The following ATF6 variants were observed in gnomAD, a reference collection of about 807,000 sequenced individuals.
ATF6 encodes the protein activating transcription factor 6, also known as cyclic AMP-dependent transcription factor ATF-6 alpha.
ATF6 carries 53 observed loss-of-function variants against 83.6 expected under a neutral mutation model. The observed-to-expected ratio is 0.63, with a 90% CI of 0.51 to 0.80. The LOEUF (loss-of-function observed/expected upper bound fraction) is 0.80. Among genes scored for constraint, ATF6 ranks in the 30% least tolerant of loss-of-function variants. The probability of loss-of-function intolerance (pLI) is 0.00; values close to 1 mark genes in which losing one functional copy is unlikely to be tolerated. For missense variants in ATF6, 744 were observed against 797.9 expected, an observed-to-expected ratio of 0.93 and a Z score of 0.81; for synonymous variants, 288 against 285.8, an observed-to-expected ratio of 1.01 and a Z score of -0.08.
intron 14 of ATF6, among the ~76,000 whole-genome samples, chr1:161,910,699 T>C (rs948406917): frequency 5.3e-5 from 8 of 152,204 alleles, no homozygotes; most frequent in African/African-American, 1.9e-4. Flanking sequence ...GAAGCAGTAT[T>C]TTAATGATAG....
In ATF6 at chr1:161,802,171, G is replaced by A; in HGVS notation, c.808G>A (p.Val270Met). Residue 270 changes from valine (V) to methionine (M), a missense_variant, in exon 7 of 16, where the codon GTG becomes ATG. Val to Met is a conservative substitution (Grantham distance 21). Transcript: ENST00000367942. ...AGTCACACAGCTCCCTAATCACGTG[G>A]TGAATGTGGTACCAGCCCCTTCAGC... Reference protein sequence around the residue: ...GGVTQLPNHVVNVVPAPSANS... With the variant: ...GGVTQLPNHVMNVVPAPSANS... 6.2e-7 allele frequency: 1 copy of A among 1,614,064 alleles called. No homozygotes were observed. Among genetic ancestry groups the A allele is most frequent in the Non-Finnish European group, 8.5e-7 (1 of 1,180,014 alleles).
At chr1:161,948,196 G>A (rs775488195) in intron 15 of ATF6, among the ~76,000 whole-genome samples, 4 of 152,118 alleles carry the variant, frequency 2.6e-5, no homozygotes, top group Non-Finnish European at 5.9e-5. Context: ...GTACTTGGTA[G>A]TGACCACTAC....
chr1:161,776,461 A>G (rs1176123538), intron 1 of ATF6, among the ~76,000 whole-genome samples: 1 of 152,154 alleles, frequency 6.6e-6, no homozygotes, highest in Non-Finnish European at 1.5e-5. Flanking sequence ...TGGGAGGGGT[A>G]GGGAAGAAAA....
intron 15 of ATF6, among the ~76,000 whole-genome samples, chr1:161,943,426 C>T (rs1688690753): frequency 1.3e-5 from 2 of 152,294 alleles, no homozygotes; most frequent in African/African-American, 4.8e-5. Context: ...TCAATTAAAC[C>T]TCTTTCCTTT....
At chr1:161,859,740 A>C (rs1686840690) in intron 12 of ATF6, among the ~76,000 whole-genome samples, 1 of 152,218 alleles carries the variant, frequency 6.6e-6, no homozygotes, top group Non-Finnish European at 1.5e-5. Flanking sequence ...AGTCATCAAT[A>C]AGAACTCTTT....
chr1:161,791,651 T>G, intron 5 of ATF6, 114 bp downstream of exon 5: 1 of 1,172,386 alleles, frequency 8.5e-7, no homozygotes, highest in East Asian at 2.6e-5. Flanking sequence ...CTTGCTGTTT[T>G]TTAATTGGTG....
intron 1 of ATF6, among the ~76,000 whole-genome samples, chr1:161,777,413 G>C (rs1684540652): frequency 6.6e-6 from 1 of 152,174 alleles, no homozygotes; most frequent in Admixed American, 6.5e-5. Context: ...GTTAATAACA[G>C]ACTGACAGTG....
intron 12 of ATF6, among the ~76,000 whole-genome samples, chr1:161,856,224 C>G (rs1272647621): frequency 2.0e-5 from 3 of 152,202 alleles, no homozygotes; most frequent in Admixed American, 1.3e-4. Context: ...TAGGTGAGCT[C>G]AAACTCTGAC....
intron 14 of ATF6, among the ~76,000 whole-genome samples, chr1:161,894,740 C>T (rs1198573939): frequency 1.5e-5 from 2 of 132,122 alleles, no homozygotes; most frequent in Non-Finnish European, 3.1e-5. Context: ...TTAGCAGAGA[C>T]GGGGTTTCAC....
intron 6 of ATF6, among the ~76,000 whole-genome samples, chr1:161,798,166 T>C (rs954806677): frequency 6.6e-6 from 1 of 152,096 alleles, no homozygotes; most frequent in African/African-American, 2.4e-5. Flanking sequence ...CAACTCAAGA[T>C]GGATGAAAGA....
At chr1:161,929,892 G>C (rs907281690) in intron 15 of ATF6, among the ~76,000 whole-genome samples, 5 of 152,166 alleles carry the variant, frequency 3.3e-5, no homozygotes, top group African/African-American at 1.2e-4. Flanking sequence ...GCAGGTACAG[G>C]CACTATCATC....
chr1:161,808,570 A>G (rs1445443701), intron 7 of ATF6, among the ~76,000 whole-genome samples: 1 of 151,560 alleles, frequency 6.6e-6, no homozygotes, highest in Non-Finnish European at 1.5e-5. Flanking sequence ...TTAAATTTTT[A>G]TTTATTTATT....
At chr1:161,914,272 A>G (rs1048851722) in intron 15 of ATF6, among the ~76,000 whole-genome samples, 8 of 152,088 alleles carry the variant, frequency 5.3e-5, no homozygotes, top group African/African-American at 1.9e-4. Flanking sequence ...TTCCTCATGT[A>G]CCTCAAAGTC....
At chr1:161,854,154 T>C (rs1210177582) in intron 12 of ATF6, among the ~76,000 whole-genome samples, 1 of 152,216 alleles carries the variant, frequency 6.6e-6, no homozygotes, top group African/African-American at 2.4e-5. Context: ...AGTTCCACTT[T>C]AAGACAACAT....
intron 14 of ATF6, among the ~76,000 whole-genome samples, chr1:161,882,006 ATGATAT>A (rs1393088794): frequency 9.2e-5 from 14 of 152,134 alleles, no homozygotes; most frequent in African/African-American, 3.1e-4. Flanking sequence ...CCAGTATTGT[ATGATAT>A]TCAATGCTGT....
At chr1:161,796,315 G>C (rs1038480762) in intron 6 of ATF6, among the ~76,000 whole-genome samples, 1 of 152,054 alleles carries the variant, frequency 6.6e-6, no homozygotes, top group African/African-American at 2.4e-5. Context: ...TAGTCCCAAA[G>C]TTCCCTGAAC....
intron 15 of ATF6, among the ~76,000 whole-genome samples, chr1:161,926,863 G>A (rs1184364376): frequency 6.6e-6 from 1 of 152,096 alleles, no homozygotes; most frequent in African/African-American, 2.4e-5. Flanking sequence ...TTGCTTGACT[G>A]AAAGGTAAGA....
intron 15 of ATF6, among the ~76,000 whole-genome samples, chr1:161,919,477 T>C (rs1433238088): frequency 1.3e-5 from 2 of 152,200 alleles, no homozygotes; most frequent in African/African-American, 2.4e-5. Flanking sequence ...TTGAACAAGA[T>C]AGAGCATAGA....
intron 6 of ATF6, among the ~76,000 whole-genome samples, chr1:161,794,424 T>G (rs1385515559): frequency 2.6e-5 from 4 of 152,200 alleles, no homozygotes; most frequent in Non-Finnish European, 5.9e-5. Flanking sequence ...TAGCTTGGAA[T>G]GTAAAACTCT....
Sources: gnomAD v4.1 joint callset for allele counts (sites outside exome capture counted in the v4.1 genomes callset) on GRCh38, gnomAD v4.1.1 for gene constraint, MANE v1.5 for transcripts, NCBI Gene and HGNC (gene_info 2026-07-23, HGNC 2026-07-21) for gene names.